The following PDE4D variants were observed in gnomAD, a reference collection of about 807,000 sequenced individuals.
PDE4D encodes 3',5'-cyclic-AMP phosphodiesterase 4D.
Under a neutral mutation model 87.4 loss-of-function variants are expected in PDE4D, and 24 were observed. That is an observed-to-expected ratio of 0.27 (90% confidence interval 0.20 to 0.39). The LOEUF (loss-of-function observed/expected upper bound fraction) is 0.39, where lower values mean the gene tolerates loss of function less well. Among genes scored for constraint, PDE4D ranks in the 10% least tolerant of loss-of-function variants. PDE4D has a pLI of 1.00. For missense variants in PDE4D, 714 were observed against 1,041.0 expected, an observed-to-expected ratio of 0.69 and a Z score of 4.32; for synonymous variants, 384 against 383.2, an observed-to-expected ratio of 1.00 and a Z score of -0.02.
At chr5:59,307,067 C>T (rs764797493) in intron 1 of PDE4D, among the ~76,000 whole-genome samples, 115 of 92,746 alleles carry the variant, frequency 1.2e-3, no homozygotes, top group Non-Finnish European at 1.6e-3. Flanking sequence ...ATATCTACAA[C>T]TATCTGATCT....
intron 2 of PDE4D, among the ~76,000 whole-genome samples, chr5:60,182,930 G>A (rs1369428019): frequency 6.6e-6 from 1 of 151,814 alleles, no homozygotes; most frequent in South Asian, 2.1e-4. Flanking sequence ...CCAAATGTTT[G>A]TGTCCCCCTG....
At chr5:60,405,738 AC>A (rs1741473062) in intron 1 of PDE4D, among the ~76,000 whole-genome samples, 1 of 152,262 alleles carries the variant, frequency 6.6e-6, no homozygotes, top group Non-Finnish European at 1.5e-5. Context: ...CAGATACTTT[AC>A]CAAGGTTATT....
At chr5:60,479,297 G>T (rs928742417) in intron 1 of PDE4D, among the ~76,000 whole-genome samples, 3 of 152,150 alleles carry the variant, frequency 2.0e-5, no homozygotes, top group Non-Finnish European at 4.4e-5. Context: ...ATATAATTTT[G>T]CATCATGTTA....
At chr5:60,227,571 G>T (rs1317851494) in intron 1 of PDE4D, among the ~76,000 whole-genome samples, 1 of 145,214 alleles carries the variant, frequency 6.9e-6, no homozygotes, top group African/African-American at 2.6e-5. Context: ...AGGGAAGGGA[G>T]GAGGAGAGGA....
intron 3 of PDE4D, among the ~76,000 whole-genome samples, chr5:59,950,563 T>C (rs963618840): frequency 3.3e-5 from 5 of 152,030 alleles, no homozygotes; most frequent in African/African-American, 1.2e-4. Context: ...TAGACAGATA[T>C]ACAGATAAAA....
intron 1 of PDE4D, among the ~76,000 whole-genome samples, chr5:59,239,340 C>T (rs530711334): frequency 2.0e-5 from 3 of 152,288 alleles, no homozygotes; most frequent in African/African-American, 7.2e-5. Flanking sequence ...CTCCTCAACC[C>T]TGCTCTCTGC....
intron 1 of PDE4D, among the ~76,000 whole-genome samples, chr5:59,631,294 C>T (rs188056024): frequency 1.7e-4 from 26 of 152,280 alleles, no homozygotes; most frequent in Admixed American, 3.3e-4. Flanking sequence ...TAGATTTGAA[C>T]CCACCTGTGT....
chr5:60,068,648 C>G (rs934829443), intron 2 of PDE4D, among the ~76,000 whole-genome samples: 4 of 151,960 alleles, frequency 2.6e-5, no homozygotes, highest in Admixed American at 2.6e-4. Flanking sequence ...GGCTGGAGTA[C>G]AGTGGCCCAA....
At chr5:60,184,350 GA>G (rs1391904594) in intron 2 of PDE4D, among the ~76,000 whole-genome samples, 1 of 152,006 alleles carries the variant, frequency 6.6e-6, no homozygotes, top group African/African-American at 2.4e-5. Flanking sequence ...CTCAGTAAGA[GA>G]AAGATGTGTT....
intron 5 of PDE4D, among the ~76,000 whole-genome samples, chr5:59,042,121 C>G (rs1258901442): frequency 6.6e-6 from 1 of 152,158 alleles, no homozygotes; most frequent in Non-Finnish European, 1.5e-5. Flanking sequence ...TAATTACTAA[C>G]AGAGTAAAGT....
At chr5:60,327,502 A>G (rs980988665) in intron 1 of PDE4D, among the ~76,000 whole-genome samples, 22 of 152,180 alleles carry the variant, frequency 1.4e-4, no homozygotes, top group African/African-American at 5.1e-4. Context: ...CCTTAGTTCA[A>G]ACTAATCCTT....
rs1743518230 is a variant in PDE4D at position 59,651,620 on chromosome 5, T to A, written c.455+241548A>T. Reference sequence around the variant, plus strand: ...TTGTTGAGTGTAATAATAATCCATATCTTGACATTAAAAGAATTGCTGAGT... The same window carrying A: ...TTGTTGAGTGTAATAATAATCCATAACTTGACATTAAAAGAATTGCTGAGT... On this transcript the variant is annotated intron_variant, in intron 1 of 14. Transcript: ENST00000340635. 3.3e-5 allele frequency among the ~76,000 whole-genome samples: 5 copies of A among 152,094 alleles called. No individual in the cohort carries two copies. In the South Asian group the frequency reaches 1.0e-3, roughly 32 times the overall value.
chr5:59,520,677 A>G (rs1004687059), intron 1 of PDE4D, among the ~76,000 whole-genome samples: 4 of 152,276 alleles, frequency 2.6e-5, no homozygotes, highest in East Asian at 3.9e-4. Flanking sequence ...AAAAAAAAAG[A>G]AATTCCATAT....
rs10718401 is a variant in PDE4D, at chr5:58,974,630, TAAAA to T, written c.*30_*33del. ...GCACTTTGGAAACAATTTTTCTACTTAAAAAAAAAAAAGGCATGAAAGTTTTTGC... is the reference window on the plus strand; with the variant it reads ...GCACTTTGGAAACAATTTTTCTACTTAAAAAAAAGGCATGAAAGTTTTTGC... On this transcript the variant is annotated 3_prime_UTR_variant, in exon 15 of 15. Coordinates refer to ENST00000340635, the MANE Select transcript of PDE4D (RefSeq NM_001104631.2). The T allele has an allele frequency of 9.7e-6, 12 of 1,233,010 alleles. No individual in the cohort carries two copies. The highest frequency in any genetic ancestry group is 3.3e-5 in the South Asian group (2 of 60,512). 76.4% of individuals were successfully genotyped at this position (1,233,010 alleles called of 1,614,324 possible).
At chr5:59,426,690 A>C (rs2153629747) in intron 1 of PDE4D, among the ~76,000 whole-genome samples, 1 of 152,238 alleles carries the variant, frequency 6.6e-6, no homozygotes, top group East Asian at 1.9e-4. Context: ...CCCGGCTGTG[A>C]AAAGTAGTGC....
chr5:59,108,482 A>T (rs1187050558), intron 5 of PDE4D, among the ~76,000 whole-genome samples: 2 of 152,138 alleles, frequency 1.3e-5, no homozygotes, highest in Non-Finnish European at 2.9e-5. Flanking sequence ...GCATGTGTGC[A>T]TGGTAATATT....
At chr5:60,204,933 AGGACCTG>A (rs1742324291) in intron 1 of PDE4D, among the ~76,000 whole-genome samples, 1 of 152,228 alleles carries the variant, frequency 6.6e-6, no homozygotes, top group Admixed American at 6.5e-5. Context: ...AAATGTGTGA[AGGACCTG>A]GGACATTTTC....
intron 1 of PDE4D, among the ~76,000 whole-genome samples, chr5:59,492,035 A>C (rs942052653): frequency 6.6e-6 from 1 of 152,164 alleles, no homozygotes; most frequent in East Asian, 1.9e-4. Context: ...AGAGAGAGAA[A>C]TCTACTGCAC....
intron 1 of PDE4D, among the ~76,000 whole-genome samples, chr5:59,466,901 A>G (rs73097348): frequency 0.014 from 2,150 of 152,268 alleles, 64 homozygotes; most frequent in African/African-American, 0.049. Flanking sequence ...GTCCTCGTAC[A>G]TATACCTCCA....
Sources: allele counts gnomAD v4.1 joint callset (sites outside exome capture counted in the v4.1 genomes callset), GRCh38; gene constraint gnomAD v4.1.1; transcripts MANE v1.5; gene names NCBI Gene and HGNC (gene_info 2026-07-23, HGNC 2026-07-21).